Variants in ATG10 observed in about 807,000 individuals in gnomAD.
ATG10 encodes autophagy related 10, also known as ubiquitin-like-conjugating enzyme ATG10.
A neutral mutation model predicts 32.1 loss-of-function variants in ATG10; 30 were observed. The ratio of observed to expected loss-of-function variants is 0.94; its 90% CI spans 0.70 to 1.27. The LOEUF (loss-of-function observed/expected upper bound fraction) is 1.27. Ranked by LOEUF, ATG10 falls within the 50% of genes most tolerant of loss-of-function variation. ATG10 has a pLI of 0.00. For synonymous variants in ATG10, 87 were observed against 91.5 expected (o/e 0.95, Z 0.28); for missense variants, 233 against 262.3 (o/e 0.89, Z 0.77).
chr5:81,994,526 T>C (rs902552803), intron 2 of ATG10, among the ~76,000 whole-genome samples: 15 of 151,942 alleles, frequency 9.9e-5, no homozygotes, highest in Non-Finnish European at 2.1e-4. Context: ...GGTGAAAAAG[T>C]GGAGGGTAGG....
rs1162156018 is a variant in ATG10 at position 82,191,338 on chromosome 5, T to TC, written c.453+12753dup. On this transcript the variant is annotated intron_variant, in intron 5 of 7. Coordinates refer to ENST00000282185, the MANE Select transcript of ATG10 (RefSeq NM_031482.5). ...CCAAAGCTGAACATTGTTTCTGCTG[T>TC]CCAGAGTTGGTCTGTGGGAGTACCT... 3.9e-5 allele frequency among the ~76,000 whole-genome samples: 6 copies of TC among 152,364 alleles called. No individual in the cohort carries two copies. In the East Asian group the frequency reaches 9.6e-4, roughly 24 times the overall value.
In ATG10 at chr5:82,234,697, A is replaced by C. The variant is rs147693614; in HGVS notation, c.454-17865A>C. Among the ~76,000 whole-genome samples, 603 of 152,302 alleles carry C rather than the reference A, an allele frequency of 4.0e-3. 4 individuals are homozygous for C. Among genetic ancestry groups the C allele is most frequent in the African/African-American group, 0.014 (564 of 41,556 alleles). On this transcript the variant is annotated intron_variant, in intron 5 of 7. Coordinates refer to ENST00000282185, the MANE Select transcript of ATG10 (RefSeq NM_031482.5). ...GTTTCCTTATCTTTACAATAATTATATGTCAACCTCTTAGTATTATTATTA... is the reference window on the plus strand; with the variant it reads ...GTTTCCTTATCTTTACAATAATTATCTGTCAACCTCTTAGTATTATTATTA...
intron 5 of ATG10, among the ~76,000 whole-genome samples, chr5:82,208,877 T>G (rs1174782906): frequency 6.6e-6 from 1 of 152,226 alleles, no homozygotes; most frequent in Non-Finnish European, 1.5e-5. Context: ...AGTATCCCTT[T>G]AATGTATTGC....
At chr5:82,029,990 A>T (rs930100310) in intron 2 of ATG10, among the ~76,000 whole-genome samples, 1 of 152,202 alleles carries the variant, frequency 6.6e-6, no homozygotes, top group African/African-American at 2.4e-5. Context: ...ATATCAACTC[A>T]GGCAGTTTGT....
chr5:82,106,896 G>A (rs992312443), intron 3 of ATG10, among the ~76,000 whole-genome samples: 1 of 151,892 alleles, frequency 6.6e-6, no homozygotes, highest in Non-Finnish European at 1.5e-5. Flanking sequence ...TGTGGTATCC[G>A]TGGGACCCTT....
chr5:82,026,072 G>A (rs1014528732), intron 2 of ATG10, among the ~76,000 whole-genome samples: 8 of 152,102 alleles, frequency 5.3e-5, no homozygotes, highest in Non-Finnish European at 1.0e-4. Context: ...GTAACCATCA[G>A]CACCATCCTT....
At chr5:82,112,021 A>G (rs1328430574) in intron 3 of ATG10, among the ~76,000 whole-genome samples, 1 of 152,004 alleles carries the variant, frequency 6.6e-6, no homozygotes, top group Non-Finnish European at 1.5e-5. Context: ...CATTTAATAT[A>G]CTTTTGATAA....
intron 2 of ATG10, among the ~76,000 whole-genome samples, chr5:82,041,990 C>T (rs572062340): frequency 3.9e-4 from 60 of 151,924 alleles, no homozygotes; most frequent in African/African-American, 1.4e-3. Flanking sequence ...GCTCATTATT[C>T]TCATGCTTTC....
chr5:82,102,734 C>A (rs1322245134), intron 3 of ATG10, among the ~76,000 whole-genome samples: 1 of 152,174 alleles, frequency 6.6e-6, no homozygotes, highest in African/African-American at 2.4e-5. Flanking sequence ...CCATCCTTCT[C>A]ACAGTGTTTT....
intron 5 of ATG10, among the ~76,000 whole-genome samples, chr5:82,250,404 C>T (rs540248685): frequency 6.6e-6 from 1 of 152,286 alleles, no homozygotes; most frequent in Non-Finnish European, 1.5e-5. Context: ...GTTCTGAAGG[C>T]TACAGGATCC....
At chr5:82,070,759 C>T (rs1764104904) in intron 3 of ATG10, among the ~76,000 whole-genome samples, 1 of 152,082 alleles carries the variant, frequency 6.6e-6, no homozygotes, top group African/African-American at 2.4e-5. Flanking sequence ...TTTACAATCC[C>T]CTCTGTCTTC....
At chr5:82,038,656 G>A (rs1763002637) in intron 2 of ATG10, among the ~76,000 whole-genome samples, 1 of 152,184 alleles carries the variant, frequency 6.6e-6, no homozygotes, top group Admixed American at 6.5e-5. Context: ...CCGAGCAGAA[G>A]CTATATTCTA....
At chr5:82,038,236 T>C (rs1247231377) in intron 2 of ATG10, among the ~76,000 whole-genome samples, 4 of 152,216 alleles carry the variant, frequency 2.6e-5, no homozygotes, top group African/African-American at 9.6e-5. Context: ...TACTGGTGCC[T>C]GGTTCTTAAT....
intron 5 of ATG10, among the ~76,000 whole-genome samples, chr5:82,225,106 T>C (rs888759628): frequency 6.6e-6 from 1 of 152,248 alleles, no homozygotes; most frequent in African/African-American, 2.4e-5. Flanking sequence ...AATAGGATAA[T>C]TGAGTCCTTG....
At position 82,079,432 on chromosome 5, in the gene ATG10, A is replaced by G. The variant is rs868574637; in HGVS notation, c.216+20830A>G. Reference sequence around the variant, plus strand: ...TGCACAACATGCAGGTTTGTTACATATGTATACATATGCCATGTTGGTGTG... The same window carrying G: ...TGCACAACATGCAGGTTTGTTACATGTGTATACATATGCCATGTTGGTGTG... On this transcript the variant is annotated intron_variant, in intron 3 of 7. Coordinates refer to ENST00000282185, the MANE Select transcript of ATG10 (RefSeq NM_031482.5). Among the ~76,000 whole-genome samples, 3 of 151,676 alleles carry G rather than the reference A, an allele frequency of 2.0e-5. No individual in the cohort carries two copies. The South Asian group carries it at 6.2e-4, about 32-fold the overall frequency.
At chr5:82,017,506 A>G (rs1762322886) in intron 2 of ATG10, among the ~76,000 whole-genome samples, 1 of 152,170 alleles carries the variant, frequency 6.6e-6, no homozygotes, top group Non-Finnish European at 1.5e-5. Context: ...AATGCTTTCA[A>G]CTTTTCCTTA....
intron 5 of ATG10, among the ~76,000 whole-genome samples, chr5:82,214,885 T>A (rs1745619196): frequency 6.6e-6 from 1 of 152,200 alleles, no homozygotes; most frequent in South Asian, 2.1e-4. Flanking sequence ...TTCTCCACTG[T>A]ATTACCAGTA....
chr5:82,118,384 G>GTGTATATATATATATATA (rs1765902949), intron 3 of ATG10, among the ~76,000 whole-genome samples: 1 of 18,774 alleles, frequency 5.3e-5, no homozygotes, highest in Admixed American at 6.5e-4. Context: ...TATAATATAT[G>GTGTATATATATATATATA]TACATATATA....
chr5:82,014,908 G>A (rs1762236687), intron 2 of ATG10, among the ~76,000 whole-genome samples: 1 of 152,220 alleles, frequency 6.6e-6, no homozygotes, highest in African/African-American at 2.4e-5. Context: ...AGTTGATGCA[G>A]TTTCTTCCTA....
Sources: allele counts gnomAD v4.1 joint callset (sites outside exome capture counted in the v4.1 genomes callset), GRCh38; gene constraint gnomAD v4.1.1; transcripts MANE v1.5; gene names NCBI Gene and HGNC (gene_info 2026-07-23, HGNC 2026-07-21).